CDC42BPB: variants seen among roughly 807,000 people sequenced by gnomAD.
The protein encoded by CDC42BPB is serine/threonine-protein kinase MRCK beta.
A neutral mutation model predicts 214.9 loss-of-function variants in CDC42BPB; 37 were observed. The ratio of observed to expected loss-of-function variants is 0.17; its 90% CI spans 0.13 to 0.23. The LOEUF (loss-of-function observed/expected upper bound fraction) is 0.23, where lower values mean the gene tolerates loss of function less well. CDC42BPB is among the 10% of genes least tolerant of loss of function. CDC42BPB has a pLI of 1.00. For missense variants in CDC42BPB, 1,694 were observed against 2,227.0 expected, an observed-to-expected ratio of 0.76 and a Z score of 4.82; for synonymous variants, 931 against 884.0, an observed-to-expected ratio of 1.05 and a Z score of -0.94.
intron 36 of CDC42BPB, 58 bp from the exon 37 acceptor site, chr14:102,933,901 G>A (rs183748397): frequency 4.6e-4 from 679 of 1,460,706 alleles, no homozygotes; most frequent in Non-Finnish European, 5.6e-4. Flanking sequence ...GGAGGCACGC[G>A]TGCCCAGCTG....
At position 103,011,997 on chromosome 14, in the gene CDC42BPB, C is replaced by G. The variant is rs1345019944; in HGVS notation, c.267+100G>C. ...AAACTCTCCAAATAATACTAATTACCTCATCCCCAAACCAATGTATAGGTG... is the reference window on the plus strand; with the variant it reads ...AAACTCTCCAAATAATACTAATTACGTCATCCCCAAACCAATGTATAGGTG... On this transcript the variant is annotated intron_variant, in intron 2 of 36. Coordinates refer to ENST00000361246, the MANE Select transcript of CDC42BPB (RefSeq NM_006035.4). 59 of 768,576 alleles carry G rather than the reference C, an allele frequency of 7.7e-5. 2 individuals are homozygous for G. The East Asian group carries it at 1.5e-3, about 19-fold the overall frequency. The allele number at this position is 768,576 out of a possible 1,614,324, so 47.6% of individuals were successfully genotyped here. A position where few individuals can be genotyped will look rare whatever the true frequency, so the allele number is the denominator to read the frequency against.
intron 5 of CDC42BPB, among the ~76,000 whole-genome samples, chr14:102,993,040 G>A (rs1456032707): frequency 2.6e-5 from 4 of 151,986 alleles, no homozygotes; most frequent in Non-Finnish European, 5.9e-5. Context: ...ATGTTGGCCA[G>A]GCTGGTCTTG....
intron 14 of CDC42BPB, among the ~76,000 whole-genome samples, chr14:102,969,701 G>A (rs1893387595): frequency 1.3e-5 from 2 of 152,170 alleles, no homozygotes; most frequent in Non-Finnish European, 1.5e-5. Context: ...CGCCCTCCGC[G>A]GCCTCCCTGC....
intron 5 of CDC42BPB, among the ~76,000 whole-genome samples, chr14:102,995,177 CTCTT>C (rs897865738): frequency 2.0e-5 from 3 of 150,680 alleles, no homozygotes; most frequent in Non-Finnish European, 2.9e-5. Context: ...CTCTCTCTCT[CTCTT>C]TTTTTTTTTT....
intron 17 of CDC42BPB, 141 bp downstream of exon 17, chr14:102,966,904 TG>T (rs1259643170): frequency 2.1e-6 from 2 of 943,434 alleles, no homozygotes; most frequent in Non-Finnish European, 3.2e-6. Context: ...TGAGAAGTTC[TG>T]GGGAACAGCA....
chr14:103,047,746 T>C (rs1281152218), intron 1 of CDC42BPB, among the ~76,000 whole-genome samples: 1 of 151,408 alleles, frequency 6.6e-6, no homozygotes, highest in African/African-American at 2.4e-5. Context: ...TCTACTAAAA[T>C]ACAAAAAATT....
At chr14:103,032,345 A>T (rs1271471754) in intron 1 of CDC42BPB, among the ~76,000 whole-genome samples, 4 of 147,852 alleles carry the variant, frequency 2.7e-5, no homozygotes, top group Non-Finnish European at 5.9e-5. Context: ...TCTGAAATGA[A>T]ATCAGAAATG....
At chr14:103,046,543 T>C (rs950853350) in intron 1 of CDC42BPB, among the ~76,000 whole-genome samples, 3 of 152,098 alleles carry the variant, frequency 2.0e-5, no homozygotes, top group East Asian at 1.9e-4. Context: ...GAAAGAAACA[T>C]CTACGTAACA....
chr14:103,033,977 C>T (rs966571320), intron 1 of CDC42BPB, among the ~76,000 whole-genome samples: 1 of 152,174 alleles, frequency 6.6e-6, no homozygotes, highest in Non-Finnish European at 1.5e-5. Context: ...GCTGATAAAA[C>T]TTCTGTACGG....
intron 2 of CDC42BPB, among the ~76,000 whole-genome samples, chr14:103,009,097 C>T (rs771737556): frequency 4.6e-5 from 7 of 152,224 alleles, no homozygotes; most frequent in Non-Finnish European, 1.0e-4. Flanking sequence ...CACACACGGG[C>T]CCAAGTCTCC....
intron 27 of CDC42BPB, among the ~76,000 whole-genome samples, chr14:102,947,498 G>A (rs1395805341): frequency 6.6e-6 from 1 of 152,160 alleles, no homozygotes; most frequent in Admixed American, 6.5e-5. Flanking sequence ...GAGGGTCAGT[G>A]AAGAGGGGTG....
chr14:102,969,087 A>G (rs1237470847), intron 14 of CDC42BPB, among the ~76,000 whole-genome samples: 1 of 152,218 alleles, frequency 6.6e-6, no homozygotes, highest in Non-Finnish European at 1.5e-5. Flanking sequence ...GCAAACCAGT[A>G]AAGGGGCAGA....
Position 102,974,013 on chromosome 14 carries a change from T to C in CDC42BPB, c.1641+3A>G. 1 of 1,600,744 alleles carries C rather than the reference T, an allele frequency of 6.2e-7. No individual in the cohort carries two copies. Among genetic ancestry groups the C allele is most frequent in the Non-Finnish European group, 8.5e-7 (1 of 1,174,572 alleles). On this transcript the variant is annotated splice_donor_region_variant and intron_variant, in intron 12 of 36. Coordinates refer to ENST00000361246, the MANE Select transcript of CDC42BPB (RefSeq NM_006035.4). ...CTTTCTCACCCCAAACTGAGCCACC[T>C]ACCTTGTGCAGCTCCTCCTTCTCCT...
chr14:102,972,305 A>T, intron 12 of CDC42BPB, 144 bp from the exon 13 acceptor site: 1 of 1,486,660 alleles, frequency 6.7e-7, no homozygotes, highest in Non-Finnish European at 8.9e-7. Flanking sequence ...AGCTGCTTGG[A>T]AAAAGACCTG....
At chr14:102,969,122 G>A (rs1893356916) in intron 14 of CDC42BPB, among the ~76,000 whole-genome samples, 1 of 152,228 alleles carries the variant, frequency 6.6e-6, no homozygotes, top group Non-Finnish European at 1.5e-5. Flanking sequence ...CAGCCAGGTT[G>A]TAGGGAGTGG....
Position 103,038,651 on chromosome 14 carries a change from C to T in CDC42BPB, c.175+18348G>A, listed in dbSNP as rs528093473. On this transcript the variant is annotated intron_variant, in intron 1 of 36. Coordinates refer to ENST00000361246, the MANE Select transcript of CDC42BPB (RefSeq NM_006035.4). ...AAGCAATCCTCCCACCTCAGCCTCC[C>T]GAGTAGCTGAGACTACAGGTGAGCA... 3.5e-5 allele frequency among the ~76,000 whole-genome samples: 5 copies of T among 143,138 alleles called. No homozygotes were observed. In the South Asian group the frequency reaches 6.5e-4, roughly 19 times the overall value. 93.9% of individuals were successfully genotyped at this position (143,138 alleles called of 152,430 possible). A position where few individuals can be genotyped will look rare whatever the true frequency, so the allele number is the denominator to read the frequency against.
At chr14:102,987,928 T>C (rs1038060185) in intron 5 of CDC42BPB, among the ~76,000 whole-genome samples, 1 of 151,580 alleles carries the variant, frequency 6.6e-6, no homozygotes, top group Non-Finnish European at 1.5e-5. Context: ...GAGCTGTGAT[T>C]GCGCCACTGC....
chr14:102,969,082 C>A (rs1893354069), intron 14 of CDC42BPB, among the ~76,000 whole-genome samples: 1 of 152,214 alleles, frequency 6.6e-6, no homozygotes, highest in Admixed American at 6.5e-5. Context: ...TGACAGCAAA[C>A]CAGTAAAGGG....
At chr14:103,023,799 T>C (rs1052733245) in intron 1 of CDC42BPB, among the ~76,000 whole-genome samples, 2 of 152,198 alleles carry the variant, frequency 1.3e-5, no homozygotes, top group Non-Finnish European at 2.9e-5. Flanking sequence ...GCAGAATATA[T>C]ATATTCTAAT....
Sources: gnomAD v4.1 joint callset for allele counts (sites outside exome capture counted in the v4.1 genomes callset) on GRCh38, gnomAD v4.1.1 for gene constraint, MANE v1.5 for transcripts, NCBI Gene and HGNC (gene_info 2026-07-23, HGNC 2026-07-21) for gene names.